Variants in SHKBP1 observed in about 807,000 individuals in gnomAD.
SHKBP1 encodes SH3KBP1 binding protein 1.
In SHKBP1, 71 loss-of-function variants were observed where a neutral mutation model predicts 83.9. The observed-to-expected ratio is 0.85, with a 90% CI of 0.70 to 1.03. The LOEUF (loss-of-function observed/expected upper bound fraction) is 1.03. SHKBP1 is among the 50% of genes least tolerant of loss of function. The probability of loss-of-function intolerance (pLI) is 0.00; values close to 1 mark genes in which losing one functional copy is unlikely to be tolerated. For missense variants in SHKBP1, 824 were observed against 982.4 expected (o/e 0.84, Z 2.16); for synonymous variants, 371 against 398.0 (o/e 0.93, Z 0.81).
chr19:40,577,554 C>A lies in SHKBP1; in HGVS notation c.187-3C>A. The stretch of plus-strand genomic sequence containing the variant: ...ATCCATCCTCTGCCCCCCTTTCCCG[C>A]AGATCTTCATCGACAGGGACCCTAC... On this transcript the variant is annotated splice_polypyrimidine_tract_variant and splice_region_variant and intron_variant, in intron 3 of 17. Transcript: ENST00000291842. 6.2e-7 allele frequency: 1 copy of A among 1,614,076 alleles called. No homozygotes were observed. The highest frequency in any genetic ancestry group is 1.1e-5 in the South Asian group (1 of 91,080).
At chr19:40,578,729 G>T (rs1400693478) in intron 6 of SHKBP1, among the ~76,000 whole-genome samples, 187 bp downstream of exon 6, 1 of 152,140 alleles carries the variant, frequency 6.6e-6, no homozygotes, top group Non-Finnish European at 1.5e-5. Flanking sequence ...GAGACAATGG[G>T]CCAGCTAACT....
intron 11 of SHKBP1, 27 bp from the exon 12 acceptor site, chr19:40,583,574 C>T (rs761060549): frequency 1.2e-6 from 2 of 1,611,464 alleles, no homozygotes; most frequent in South Asian, 1.1e-5. Flanking sequence ...TGGAACAAAC[C>T]CGCTCCACCC....
chr19:40,586,682 C>T (rs2081314666), intron 12 of SHKBP1, 92 bp from the exon 13 acceptor site: 5 of 1,262,842 alleles, frequency 4.0e-6, no homozygotes, highest in Non-Finnish European at 5.2e-6. Flanking sequence ...TGCTTTCTGA[C>T]TGTGTCTCTG....
intron 12 of SHKBP1, among the ~76,000 whole-genome samples, chr19:40,585,225 A>G (rs1018770271): frequency 3.3e-5 from 5 of 151,822 alleles, no homozygotes; most frequent in African/African-American, 9.7e-5. Flanking sequence ...TTCTACCTCA[A>G]CCTCCTGAAC....
intron 13 of SHKBP1, 54 bp from the exon 14 acceptor site, chr19:40,588,570 G>C: frequency 1.2e-6 from 2 of 1,607,738 alleles, no homozygotes; most frequent in South Asian, 1.1e-5. Context: ...GGACGGGCAG[G>C]CAGCATTGAT....
chr19:40,583,110 G>A (rs1419536011), intron 10 of SHKBP1, among the ~76,000 whole-genome samples: 1 of 152,082 alleles, frequency 6.6e-6, no homozygotes, highest in East Asian at 1.9e-4. Flanking sequence ...GGAGTTTGAC[G>A]CCAGCCTGGG....
chr19:40,583,154 T>A (rs73051879), intron 10 of SHKBP1, among the ~76,000 whole-genome samples: 3 of 151,710 alleles, frequency 2.0e-5, no homozygotes, highest in African/African-American at 4.8e-5. Context: ...ACAAAAAATT[T>A]AAAAAATTAA....
intron 1 of SHKBP1, 113 bp downstream of exon 1, chr19:40,577,098 C>A: frequency 4.1e-6 from 5 of 1,231,846 alleles, no homozygotes; most frequent in Middle Eastern, 2.4e-4. Flanking sequence ...CCCCCCCCCC[C>A]TTTGGAGGCG....
At position 40,590,245 on chromosome 19, in the gene SHKBP1, G is replaced by T. The variant is rs1323751870; in HGVS notation, c.1591G>T (p.Val531Leu). The T allele has an allele frequency of 4.4e-6, 7 of 1,583,046 alleles. No individual in the cohort carries two copies. Among genetic ancestry groups the T allele is most frequent in the Admixed American group, 3.5e-5 (2 of 56,552 alleles). Residue 531 changes from valine (V) to leucine (L), a missense_variant and splice_region_variant, in exon 16 of 18, where the codon GTG becomes TTG. Val to Leu is a conservative substitution (Grantham distance 32, BLOSUM62 1). Around this residue, in one of 3 missense-constraint regions of SHKBP1, gnomAD observed 287 missense variants for 322.9 expected, o/e 0.89. Coordinates refer to ENST00000291842, the MANE Select transcript of SHKBP1 (RefSeq NM_138392.4). The surrounding 1 kb of genome is among the most constrained non-coding windows in gnomAD (Gnocchi z 4.6). ...CACCTCCCCCACTGCACCCCCCAGG[G>T]TGTGCTCCGTGCGCTCCGTGGACGG... is the stretch of plus-strand genomic sequence containing the variant. ...FVRLSSTGQR[V>L]CSVRSVDGSP...
intron 9 of SHKBP1, among the ~76,000 whole-genome samples, chr19:40,581,391 TG>T (rs2081268620): frequency 2.6e-5 from 4 of 152,078 alleles, no homozygotes; most frequent in African/African-American, 9.6e-5. Context: ...GGCACGTGCC[TG>T]TAATCCCAGC....
chr19:40,589,018 G>C, intron 14 of SHKBP1, 64 bp from the exon 15 acceptor site: 2 of 1,533,032 alleles, frequency 1.3e-6, no homozygotes. Flanking sequence ...TTCATCAGTG[G>C]GGAAGGAAGT....
At chr19:40,577,868 C>G in intron 4 of SHKBP1, 1 of 616,256 alleles carries the variant, frequency 1.6e-6, no homozygotes, top group Non-Finnish European at 2.9e-6. Flanking sequence ...ATAGCGAGAC[C>G]CCTTCTCTAA....
intron 12 of SHKBP1, 52 bp from the exon 13 acceptor site, chr19:40,586,721 TG>T: frequency 6.9e-7 from 1 of 1,441,168 alleles, no homozygotes; most frequent in Non-Finnish European, 9.2e-7. Context: ...CTCCCTGCCC[TG>T]GTTTCTGTCT....
In SHKBP1 at chr19:40,588,918, C is replaced by T. The variant is rs1456486073; in HGVS notation, c.1492+139C>T. The T allele has an allele frequency of 3.4e-5, 45 of 1,315,332 alleles. No individual in the cohort carries two copies. In the East Asian group the frequency reaches 4.3e-4, roughly 12 times the overall value. 81.5% of individuals were successfully genotyped at this position (1,315,332 alleles called of 1,614,324 possible). On this transcript the variant is annotated intron_variant, in intron 14 of 17. Transcript: ENST00000291842. ...TGTCCTGATCCTTGAGGCACCTGAGCTCCACTGACTGCCACAACCCCCCAG... is the reference window on the plus strand; with the variant it reads ...TGTCCTGATCCTTGAGGCACCTGAGTTCCACTGACTGCCACAACCCCCCAG...
intron 4 of SHKBP1, 116 bp from the exon 5 acceptor site, chr19:40,578,038 C>T: frequency 1.2e-6 from 1 of 823,306 alleles, no homozygotes; most frequent in South Asian, 1.4e-5. Context: ...CATCTTTATT[C>T]CATCAAAACT....
At position 40,590,171 on chromosome 19, in the gene SHKBP1, C is replaced by A; in HGVS notation, c.1590-73C>A. 6.9e-7 allele frequency: 1 copy of A among 1,441,814 alleles called. No individual in the cohort carries two copies. 89.3% of individuals were successfully genotyped at this position (1,441,814 alleles called of 1,614,324 possible). A position where few individuals can be genotyped will look rare whatever the true frequency, so the allele number is the denominator to read the frequency against. On this transcript the variant is annotated intron_variant, in intron 15 of 17. Coordinates refer to ENST00000291842, the MANE Select transcript of SHKBP1 (RefSeq NM_138392.4). This position sits in a 1 kb window ranked among gnomAD's most constrained non-coding sequence, Gnocchi z 4.6. ...GCCCCTGGAGAGGCAGGAACTGCAGCCACAGTGGTGGGGACTGGGACGAGG... is the reference window on the plus strand; with the variant it reads ...GCCCCTGGAGAGGCAGGAACTGCAGACACAGTGGTGGGGACTGGGACGAGG...
chr19:40,580,341 C>T lies in SHKBP1; in HGVS notation c.418C>T (p.Arg140Trp), dbSNP rs751206348. The change falls in exon 7 of 18, where the codon CGG becomes TGG. Residue 140 changes from arginine (R) to tryptophan (W), a missense_variant. Arg to Trp is a moderately radical substitution (Grantham distance 101). This residue lies in a region of SHKBP1 where 355 missense variants were observed against 386.4 expected (regional missense o/e 0.92). Coordinates refer to ENST00000291842, the MANE Select transcript of SHKBP1 (RefSeq NM_138392.4). ...CACTGTAGTGTTCCCAGTGAAGCGGCGGAACCGGCACAGCCTAGTGGGGCC... is the reference window on the plus strand; with the variant it reads ...CACTGTAGTGTTCCCAGTGAAGCGGTGGAACCGGCACAGCCTAGTGGGGCC... ...LPPPVFPVKRRNRHSLVGPQQ... is the reference protein window; with the variant it reads ...LPPPVFPVKRWNRHSLVGPQQ... 103 of 1,613,878 alleles carry T rather than the reference C, an allele frequency of 6.4e-5. No homozygotes were observed. Among genetic ancestry groups the T allele is most frequent in the East Asian group, 3.3e-4 (15 of 44,892 alleles).
Position 40,586,824 on chromosome 19 carries a change from G to T in SHKBP1, c.1216G>T (p.Val406Leu), listed in dbSNP as rs1381179306. The change falls in exon 13 of 18, where the codon GTG becomes TTG. Residue 406 changes from valine to leucine, a missense_variant. By Grantham distance (32) the Val-to-Leu change is conservative (BLOSUM62 1). Transcript: ENST00000291842. Reference sequence around the variant, plus strand: ...CGCCTATGGCACCAGCTCAGGGGGCGTGCGGGTCATCGTGCAGCACCCGGA... The same window carrying T: ...CGCCTATGGCACCAGCTCAGGGGGCTTGCGGGTCATCGTGCAGCACCCGGA... ...EIAYGTSSGG[V>L]RVIVQHPETV... 1 of 1,611,028 alleles carries T rather than the reference G, an allele frequency of 6.2e-7. No homozygotes were observed. Among genetic ancestry groups the T allele is most frequent in the African/African-American group, 1.3e-5 (1 of 74,854 alleles).
intron 9 of SHKBP1, among the ~76,000 whole-genome samples, chr19:40,581,757 C>T (rs2081272106): frequency 6.6e-6 from 1 of 152,062 alleles, no homozygotes; most frequent in African/African-American, 2.4e-5. Flanking sequence ...ATTAATCTGT[C>T]CCCAAATAAA....
Sources: allele counts gnomAD v4.1 joint callset (sites outside exome capture counted in the v4.1 genomes callset), GRCh38; gene constraint gnomAD v4.1.1; regional missense constraint gnomAD v4.1.1; non-coding constraint Gnocchi (gnomAD v3.1); transcripts MANE v1.5; gene names NCBI Gene and HGNC (gene_info 2026-07-23, HGNC 2026-07-21).